Variants in ANO4 observed in about 807,000 individuals in gnomAD.
ANO4 encodes anoctamin 4.
Under a neutral mutation model 141.9 loss-of-function variants are expected in ANO4, and 69 were observed. That is an observed-to-expected ratio of 0.49 (90% CI 0.40 to 0.59). ANO4 has a LOEUF of 0.59. Ranked by LOEUF, ANO4 falls within the 20% of genes least tolerant of loss-of-function variation. ANO4 has a pLI of 0.00. For missense variants in ANO4, 894 were observed against 1,162.2 expected (o/e 0.77, Z 3.36); for synonymous variants, 350 against 394.3 (o/e 0.89, Z 1.33).
intron 26 of ANO4, among the ~76,000 whole-genome samples, chr12:101,120,947 C>T (rs1163911435): frequency 6.6e-6 from 1 of 152,156 alleles, no homozygotes; most frequent in Non-Finnish European, 1.5e-5. Flanking sequence ...TTCTGACATA[C>T]CATGTCTGTG....
At chr12:101,063,564 G>A (rs2048437038) in intron 14 of ANO4, among the ~76,000 whole-genome samples, 1 of 151,994 alleles carries the variant, frequency 6.6e-6, no homozygotes, top group African/African-American at 2.4e-5. Flanking sequence ...TTGAGGTGAT[G>A]TTGGCCTCAT....
At position 101,048,350 on chromosome 12, in the gene ANO4, C is replaced by A; in HGVS notation, c.1261C>A (p.Leu421Ile). The A allele has an allele frequency of 6.2e-7, 1 of 1,613,710 alleles. No individual in the cohort carries two copies. ...DSCVYAKVTH[L>I]FDNGATVFFA... ...TTCTTATTATTCACAGGTAACCCAC[C>A]TTTTTGACAATGGAGCCACTGTCTT... The change falls in exon 14 of 28, where the codon CTT becomes ATT. Residue 421 changes from leucine to isoleucine, a missense_variant. Around this residue, in one of 2 missense-constraint regions of ANO4, gnomAD observed 637 missense variants for 909.2 expected, o/e 0.70. Transcript: ENST00000392977.
intron 8 of ANO4, among the ~76,000 whole-genome samples, chr12:101,013,314 A>G (rs1357487757): frequency 1.3e-5 from 2 of 151,960 alleles, no homozygotes; most frequent in East Asian, 3.9e-4. Context: ...TTATAGTCTC[A>G]CTTTGTGACT....
chr12:100,843,219 T>C (rs2037374954), intron 1 of ANO4, among the ~76,000 whole-genome samples: 2 of 152,190 alleles, frequency 1.3e-5, no homozygotes, highest in South Asian at 4.1e-4. Flanking sequence ...GTGCTTGGTA[T>C]ATTTTTAGTC....
intron 2 of ANO4, among the ~76,000 whole-genome samples, chr12:100,909,916 C>T (rs544479255): frequency 1.3e-5 from 2 of 151,988 alleles, no homozygotes; most frequent in East Asian, 3.9e-4. Flanking sequence ...TACAATGTTC[C>T]CAATTAAATT....
At chr12:101,071,302 G>A (rs1037898007) in intron 14 of ANO4, among the ~76,000 whole-genome samples, 18 of 150,620 alleles carry the variant, frequency 1.2e-4, no homozygotes, top group Admixed American at 8.6e-4. Flanking sequence ...TAAAGAAAAC[G>A]TGGCACTTAT....
At chr12:101,072,265 T>C (rs1229520536) in intron 14 of ANO4, among the ~76,000 whole-genome samples, 2 of 152,166 alleles carry the variant, frequency 1.3e-5, no homozygotes, top group East Asian at 1.9e-4. Flanking sequence ...AGGGAAGATA[T>C]ACCTACTTCT....
intron 2 of ANO4, among the ~76,000 whole-genome samples, chr12:100,918,276 G>A (rs2041444509): frequency 6.6e-6 from 1 of 152,164 alleles, no homozygotes; most frequent in South Asian, 2.1e-4. Flanking sequence ...GCAGTAAGCT[G>A]TGTTCGCACC....
chr12:100,925,598 AC>A (rs2041832413), intron 3 of ANO4, among the ~76,000 whole-genome samples: 1 of 151,668 alleles, frequency 6.6e-6, no homozygotes. Context: ...TACCTATGTA[AC>A]AAACCTGCAC....
chr12:101,031,922 G>A (rs1000035907), intron 9 of ANO4, among the ~76,000 whole-genome samples: 11 of 152,136 alleles, frequency 7.2e-5, no homozygotes, highest in Non-Finnish European at 5.9e-5. Flanking sequence ...ACTGCTCAAG[G>A]AAATCAGAGA....
chr12:101,052,746 A>G (rs888040371), intron 14 of ANO4, among the ~76,000 whole-genome samples: 2 of 152,200 alleles, frequency 1.3e-5, no homozygotes, highest in African/African-American at 4.8e-5. Context: ...CCACAAAAAA[A>G]TGGTAATTGT....
chr12:100,891,650 GTA>G (rs1197332839), intron 1 of ANO4, among the ~76,000 whole-genome samples: 1 of 151,822 alleles, frequency 6.6e-6, no homozygotes, highest in Non-Finnish European at 1.5e-5. Flanking sequence ...AATAAAAATT[GTA>G]TATGTTTATC....
At chr12:101,066,432 T>C (rs1473324587) in intron 14 of ANO4, among the ~76,000 whole-genome samples, 6 of 152,186 alleles carry the variant, frequency 3.9e-5, no homozygotes, top group Non-Finnish European at 8.8e-5. Flanking sequence ...AAAGTCAACA[T>C]ACAAAAATCA....
rs1224683886 is a variant in ANO4 at position 101,039,976 on chromosome 12, T to G, written c.919T>G (p.Ser307Ala). 6.2e-7 allele frequency: 1 copy of G among 1,612,752 alleles called. No homozygotes were observed. Among genetic ancestry groups the G allele is most frequent in the Admixed American group, 1.7e-5 (1 of 59,950 alleles). The change falls in exon 11 of 28, where the codon TCC becomes GCC. Residue 307 changes from serine to alanine, a missense_variant. Ser to Ala is a moderately conservative substitution (Grantham distance 99). Coordinates refer to ENST00000392977, the MANE Select transcript of ANO4 (RefSeq NM_001286615.2). ...LHEGSYRSKNSIRTHGAENHR... is the reference protein window; with the variant it reads ...LHEGSYRSKNAIRTHGAENHR... Reference sequence around the variant, plus strand: ...CCAGGGAAGTTATAGAAGTAAAAACTCCATTCGAACCCATGGAGCAGAAAA... The same window carrying G: ...CCAGGGAAGTTATAGAAGTAAAAACGCCATTCGAACCCATGGAGCAGAAAA...
chr12:100,853,856 A>G (rs1037457283), intron 1 of ANO4, among the ~76,000 whole-genome samples: 3 of 152,106 alleles, frequency 2.0e-5, no homozygotes, highest in African/African-American at 7.2e-5. Flanking sequence ...TAATATTACA[A>G]TTGTTCAGTA....
chr12:101,088,892 T>TAA (rs35482958), intron 17 of ANO4, among the ~76,000 whole-genome samples: 3 of 151,906 alleles, frequency 2.0e-5, no homozygotes, highest in South Asian at 2.1e-4. Flanking sequence ...TGTAAAAAAT[T>TAA]AAAAAAATTT....
chr12:100,742,994 TATCCATCCATCCACTCACCCATTC>T (rs2031938465), intron 3 of ANO4, among the ~76,000 whole-genome samples: 1 of 151,938 alleles, frequency 6.6e-6, no homozygotes, highest in Non-Finnish European at 1.5e-5. Flanking sequence ...TCCATCCATC[TATCCATCCATCCACTCACCCATTC>T]ATCCATCCAA....
intron 3 of ANO4, among the ~76,000 whole-genome samples, chr12:100,752,519 GCA>G (rs1322893523): frequency 1.3e-5 from 2 of 152,108 alleles, no homozygotes; most frequent in African/African-American, 2.4e-5. Context: ...CGAAGGAATT[GCA>G]ACTCATAATT....
intron 2 of ANO4, among the ~76,000 whole-genome samples, chr12:100,912,512 T>A (rs2041156200): frequency 6.7e-6 from 1 of 149,008 alleles, no homozygotes. Flanking sequence ...CCAGCCTGGG[T>A]GACAGAGCGA....
Sources: allele counts gnomAD v4.1 joint callset (sites outside exome capture counted in the v4.1 genomes callset), GRCh38; gene constraint gnomAD v4.1.1; regional missense constraint gnomAD v4.1.1; transcripts MANE v1.5; gene names NCBI Gene and HGNC (gene_info 2026-07-23, HGNC 2026-07-21).